The following TTL variants were observed in gnomAD, a reference collection of about 807,000 sequenced individuals.
TTL encodes tubulin tyrosine ligase.
A neutral mutation model predicts 41.1 loss-of-function variants in TTL; 10 were observed. That is an observed-to-expected ratio of 0.24 (90% confidence interval 0.15 to 0.41). The LOEUF (loss-of-function observed/expected upper bound fraction) is 0.41, where lower values mean the gene tolerates loss of function less well. TTL is among the 10% of genes least tolerant of loss of function. The pLI is 1.00. For missense variants in TTL, 367 were observed against 460.4 expected (o/e 0.80, Z 1.86); for synonymous variants, 175 against 175.5 (o/e 1.00, Z 0.02).
chr2:112,507,523 A>T (rs1455388194), intron 5 of TTL, among the ~76,000 whole-genome samples: 3 of 102,102 alleles, frequency 2.9e-5, no homozygotes, highest in Non-Finnish European at 5.9e-5. Context: ...ATAAATATTT[A>T]GGATAGTTAG....
intron 5 of TTL, among the ~76,000 whole-genome samples, chr2:112,510,946 CA>C (rs1434680028): frequency 6.6e-6 from 1 of 152,026 alleles, no homozygotes; most frequent in Non-Finnish European, 1.5e-5. Context: ...TTCCATAGCC[CA>C]GAAGGTCTTT....
intron 3 of TTL, among the ~76,000 whole-genome samples, chr2:112,495,846 T>TAA (rs11400473): frequency 4.0e-5 from 6 of 149,154 alleles, no homozygotes; most frequent in East Asian, 2.0e-4. Context: ...TCTCAAAAAT[T>TAA]AAAAAAAAAA....
chr2:112,530,003 G>C lies in TTL; in HGVS notation c.*1208G>C. 4.4e-6 allele frequency: 1 copy of C among 229,262 alleles called. No homozygotes were observed. Among genetic ancestry groups the C allele is most frequent in the Non-Finnish European group, 8.7e-6 (1 of 115,576 alleles). The allele number at this position is 229,262 out of a possible 1,614,324, so 14.2% of individuals were successfully genotyped here. ...CAGGAGGCCACATCACTAGCAGTAG[G>C]GAGAACAAGATGTCATTTGTGTTCA... On this transcript the variant is annotated 3_prime_UTR_variant, in exon 7 of 7. Transcript: ENST00000233336.
intron 3 of TTL, among the ~76,000 whole-genome samples, chr2:112,499,207 C>T (rs1169199974): frequency 3.3e-5 from 5 of 151,868 alleles, no homozygotes; most frequent in Non-Finnish European, 4.4e-5. Context: ...TTCAGCTACT[C>T]GGGAGGCTGA....
intron 5 of TTL, among the ~76,000 whole-genome samples, chr2:112,518,601 C>T (rs1473165887): frequency 4.0e-5 from 6 of 151,812 alleles, no homozygotes; most frequent in Non-Finnish European, 1.5e-5. Context: ...AGTCATGAGT[C>T]AAAACCTGCA....
chr2:112,529,766 A>C lies in TTL; in HGVS notation c.*971A>C. ...TTTTATGCCCCCAAGCACTTTCTGC[A>C]GTAGCTAGAGGGACAGGTTTCCTTC... On this transcript the variant is annotated 3_prime_UTR_variant, in exon 7 of 7. Transcript: ENST00000233336. The C allele has an allele frequency of 4.5e-6, 1 of 221,456 alleles. No homozygotes were observed. The highest frequency in any genetic ancestry group is 6.6e-5 in the East Asian group (1 of 15,096). 13.7% of individuals were successfully genotyped at this position (221,456 alleles called of 1,614,324 possible). A position where few individuals can be genotyped will look rare whatever the true frequency, so the allele number is the denominator to read the frequency against.
At chr2:112,495,780 G>A (rs1195055827) in intron 3 of TTL, among the ~76,000 whole-genome samples, 1 of 152,090 alleles carries the variant, frequency 6.6e-6, no homozygotes, top group Admixed American at 6.6e-5. Context: ...CCGGGAAGTG[G>A]AGCTTGCAGT....
rs546916808 is a variant in TTL, at chr2:112,528,646, A to C, written c.1020-35A>C. ...ATTTTTTTTGCTTGTACTTTGATGA[A>C]CATCCTCAATGATATTTTTAAAAAC... On this transcript the variant is annotated intron_variant, in intron 6 of 6. Coordinates refer to ENST00000233336, the MANE Select transcript of TTL (RefSeq NM_153712.5). 1.2e-5 allele frequency: 19 copies of C among 1,551,138 alleles called. No individual in the cohort carries two copies. In the South Asian group the frequency reaches 1.9e-4, roughly 16 times the overall value.
intron 6 of TTL, chr2:112,521,407 G>T (rs1682225846): frequency 1.0e-6 from 1 of 964,696 alleles, no homozygotes. Context: ...CAATTCTCTT[G>T]TGCTGAGGGT....
chr2:112,484,016 C>G (rs1466775044), intron 1 of TTL: 1 of 152,172 alleles, frequency 6.6e-6, no homozygotes, highest in Non-Finnish European at 1.5e-5. Context: ...TGACTTCCCT[C>G]TATATTCTTG....
chr2:112,497,702 G>C (rs1681573907), intron 3 of TTL, among the ~76,000 whole-genome samples: 1 of 151,862 alleles, frequency 6.6e-6, no homozygotes. Context: ...GGTCGAACAA[G>C]TGACAGGAAG....
chr2:112,515,860 T>A (rs1431938566), intron 5 of TTL, among the ~76,000 whole-genome samples: 1 of 152,090 alleles, frequency 6.6e-6, no homozygotes, highest in African/African-American at 2.4e-5. Context: ...GGAAGGAGAT[T>A]CGCTTGAACC....
rs1682587075 is a variant in TTL at position 112,535,850 on chromosome 2, G to T, written c.*7055G>T. The T allele has an allele frequency of 6.6e-6, 1 of 152,086 alleles. No individual in the cohort carries two copies. The highest frequency in any genetic ancestry group is 6.6e-5 in the Admixed American group (1 of 15,266). The allele number at this position is 152,086 out of a possible 1,614,324, so 9.4% of individuals were successfully genotyped here. On this transcript the variant is annotated 3_prime_UTR_variant, in exon 7 of 7. Coordinates refer to ENST00000233336, the MANE Select transcript of TTL (RefSeq NM_153712.5). Reference sequence around the variant, plus strand: ...GACAGAGTCTTGCTCTGTTGCCTAGGTTGGAGTCTAGTGGTGTAATGATAG... The same window carrying T: ...GACAGAGTCTTGCTCTGTTGCCTAGTTTGGAGTCTAGTGGTGTAATGATAG...
At chr2:112,500,871 T>C (rs2104457529) in intron 3 of TTL, among the ~76,000 whole-genome samples, 1 of 149,724 alleles carries the variant, frequency 6.7e-6, no homozygotes, top group Non-Finnish European at 1.5e-5. Context: ...ATTGTTGTTA[T>C]AGTCTTTATT....
chr2:112,503,199 T>C lies in TTL; in HGVS notation c.875+18T>C, dbSNP rs779381667. On this transcript the variant is annotated intron_variant, in intron 5 of 6. Transcript: ENST00000233336. Reference sequence around the variant, plus strand: ...ATAATAAGGTAACTTAATTGTATCTTTTTGGATTACGTGTTTCTTCTTGAA... The same window carrying C: ...ATAATAAGGTAACTTAATTGTATCTCTTTGGATTACGTGTTTCTTCTTGAA... 6.4e-7 allele frequency: 1 copy of C among 1,557,234 alleles called. No homozygotes were observed. Among genetic ancestry groups the C allele is most frequent in the Non-Finnish European group, 8.7e-7 (1 of 1,150,542 alleles).
At position 112,515,608 on chromosome 2, in the gene TTL, C is replaced by G. The variant is rs558752631; in HGVS notation, c.876-4674C>G. ...CTGTGATATACATAAAAATATAAAA[C>G]ATTTACAGCATCCCAGAAGACTCCT... On this transcript the variant is annotated intron_variant, in intron 5 of 6. Coordinates refer to ENST00000233336, the MANE Select transcript of TTL (RefSeq NM_153712.5). 2.8e-3 allele frequency among the ~76,000 whole-genome samples: 430 copies of G among 152,230 alleles called. 1 individual carries two copies. The highest frequency in any genetic ancestry group is 0.017 in the Middle Eastern group (5 of 294).
chr2:112,515,539 G>A (rs1225525190), intron 5 of TTL, among the ~76,000 whole-genome samples: 3 of 152,152 alleles, frequency 2.0e-5, no homozygotes, highest in African/African-American at 7.2e-5. Context: ...CATCCACAAA[G>A]TGTACAGTCT....
At chr2:112,490,540 A>C (rs1439272384) in intron 2 of TTL, among the ~76,000 whole-genome samples, 1 of 152,020 alleles carries the variant, frequency 6.6e-6, no homozygotes, top group Non-Finnish European at 1.5e-5. Context: ...AGTAAAGGAA[A>C]CATTAGTCTA....
At chr2:112,502,454 T>C (rs1681728502) in intron 4 of TTL, among the ~76,000 whole-genome samples, 1 of 151,994 alleles carries the variant, frequency 6.6e-6, no homozygotes, top group Admixed American at 6.6e-5. Flanking sequence ...CTGGCTAACA[T>C]GGTGAAACCC....
Sources: gnomAD v4.1 joint callset for allele counts (sites outside exome capture counted in the v4.1 genomes callset) on GRCh38, gnomAD v4.1.1 for gene constraint, MANE v1.5 for transcripts, NCBI Gene and HGNC (gene_info 2026-07-23, HGNC 2026-07-21) for gene names.